HIVEP1: variants seen among roughly 807,000 people sequenced by gnomAD.
HIVEP1 encodes the protein zinc finger protein 40.
In HIVEP1, 36 loss-of-function variants were observed where a neutral mutation model predicts 180.0. That is an observed-to-expected ratio of 0.20 (90% confidence interval 0.15 to 0.26). The LOEUF (loss-of-function observed/expected upper bound fraction) is 0.26, where lower values mean the gene tolerates loss of function less well. Ranked by LOEUF, HIVEP1 falls within the 10% of genes least tolerant of loss-of-function variation. The pLI is 1.00. For missense variants in HIVEP1, 3,143 were observed against 3,268.7 expected (o/e 0.96, Z 0.94); for synonymous variants, 1,239 against 1,239.0 (o/e 1.00, Z 0.00).
chr6:12,146,655 A>T (rs961025554), intron 7 of HIVEP1, among the ~76,000 whole-genome samples: 1 of 152,188 alleles, frequency 6.6e-6, no homozygotes, highest in African/African-American at 2.4e-5. Flanking sequence ...CTAGAAGGTA[A>T]TTCAAGTTTT....
At chr6:12,114,078 C>T (rs1182990111) in intron 3 of HIVEP1, among the ~76,000 whole-genome samples, 2 of 152,144 alleles carry the variant, frequency 1.3e-5, no homozygotes, top group African/African-American at 2.4e-5. Flanking sequence ...GAAGACTTCC[C>T]TTGCCCTCCT....
intron 7 of HIVEP1, among the ~76,000 whole-genome samples, chr6:12,156,002 C>T (rs1760015036): frequency 6.6e-6 from 1 of 152,152 alleles, no homozygotes; most frequent in Non-Finnish European, 1.5e-5. Flanking sequence ...CTCTAATGAT[C>T]AGTGGTGTTG....
intron 3 of HIVEP1, among the ~76,000 whole-genome samples, chr6:12,115,350 CTT>C (rs34074662): frequency 0.021 from 1,615 of 75,234 alleles, 45 homozygotes; most frequent in African/African-American, 0.072. Context: ...CCCAACTATT[CTT>C]TTTTTTTTTT....
In HIVEP1 at chr6:12,037,808, G is replaced by A. The variant is rs1272925156; in HGVS notation, c.40+22140G>A. 8 of 435,220 alleles carry A rather than the reference G, an allele frequency of 1.8e-5. No homozygotes were observed. In the Admixed American group the frequency reaches 3.3e-4, roughly 18 times the overall value. The allele number at this position is 435,220 out of a possible 1,614,324, so 27.0% of individuals were successfully genotyped here. ...CCCAAACTTCTGGGGACAAGCTAAG[G>A]CTTGTCCCCTTCCTGCTTTAGCGTC... On this transcript the variant is annotated intron_variant, in intron 2 of 8. Coordinates refer to ENST00000379388, the MANE Select transcript of HIVEP1 (RefSeq NM_002114.4).
chr6:12,197,497 GAGCC>G, the HIVEP1 span, among the ~76,000 whole-genome samples: 1 of 148,298 alleles, frequency 6.7e-6, no homozygotes, highest in Non-Finnish European at 1.5e-5. Context: ...AGGTTGCAGT[GAGCC>G]GAGGTCGAGC....
At chr6:12,098,882 A>G (rs774734109) in intron 3 of HIVEP1, among the ~76,000 whole-genome samples, 7 of 152,356 alleles carry the variant, frequency 4.6e-5, no homozygotes, top group Non-Finnish European at 7.3e-5. Context: ...GCTATGCTAT[A>G]TGCAGGAAAT....
intron 7 of HIVEP1, among the ~76,000 whole-genome samples, chr6:12,137,480 A>G (rs1299879085): frequency 3.3e-5 from 5 of 152,228 alleles, no homozygotes; most frequent in African/African-American, 1.2e-4. Context: ...ACCTGGTCTT[A>G]GATTATTACT....
rs902756740 is a variant in HIVEP1 at position 12,085,143 on chromosome 6, C to T, written c.41-4041C>T. On this transcript the variant is annotated intron_variant, in intron 2 of 8. Coordinates refer to ENST00000379388, the MANE Select transcript of HIVEP1 (RefSeq NM_002114.4). ...AAACCACTCAGCTCCATCTAATTGC[C>T]ATTATTACTAACGATTATGAGCTAT... 2.0e-5 allele frequency among the ~76,000 whole-genome samples: 3 copies of T among 151,996 alleles called. No homozygotes were observed. In the South Asian group the frequency reaches 6.2e-4, roughly 32 times the overall value.
At chr6:12,027,510 C>T (rs555678062) in intron 2 of HIVEP1, among the ~76,000 whole-genome samples, 45 of 152,284 alleles carry the variant, frequency 3.0e-4, no homozygotes, top group African/African-American at 8.4e-4. Flanking sequence ...AGTCAGGTAG[C>T]GTACTCTCCT....
chr6:12,130,022 A>G, intron 5 of HIVEP1, 130 bp downstream of exon 5: 2 of 637,710 alleles, frequency 3.1e-6, no homozygotes, highest in Non-Finnish European at 5.6e-6. Flanking sequence ...ATATTAACAG[A>G]ATCTCCATAG....
chr6:12,093,697 T>A (rs1773623830), intron 3 of HIVEP1, among the ~76,000 whole-genome samples: 2 of 151,522 alleles, frequency 1.3e-5, no homozygotes, highest in Non-Finnish European at 2.9e-5. Flanking sequence ...CATTTTTGTG[T>A]GGGTTTGCTT....
chr6:12,146,099 C>T (rs190924360), intron 7 of HIVEP1, among the ~76,000 whole-genome samples: 219 of 152,268 alleles, frequency 1.4e-3, no homozygotes, highest in Non-Finnish European at 1.7e-3. Context: ...CTGTTCTTGG[C>T]AGCAGCTTTC....
At chr6:12,176,042 A>C in the HIVEP1 span, among the ~76,000 whole-genome samples, 1 of 152,126 alleles carries the variant, frequency 6.6e-6, no homozygotes, top group Non-Finnish European at 1.5e-5. Flanking sequence ...TCAGCCACTT[A>C]GTGAGCTGCC....
chr6:12,060,529 T>C (rs1048497360), intron 2 of HIVEP1, among the ~76,000 whole-genome samples: 74 of 152,302 alleles, frequency 4.9e-4, no homozygotes, highest in African/African-American at 1.7e-3. Context: ...TATTAAGTAC[T>C]GATTGTTTCT....
At chr6:12,094,837 A>C (rs1773695298) in intron 3 of HIVEP1, among the ~76,000 whole-genome samples, 1 of 151,990 alleles carries the variant, frequency 6.6e-6, no homozygotes, top group Non-Finnish European at 1.5e-5. Flanking sequence ...ATTCCCATGG[A>C]GCTGTTTGTT....
chr6:12,184,578 A>G, the HIVEP1 span, among the ~76,000 whole-genome samples: 1 of 152,214 alleles, frequency 6.6e-6, no homozygotes, highest in African/African-American at 2.4e-5. Flanking sequence ...TAATGAAGCT[A>G]TTGATCGTTT....
intron 2 of HIVEP1, among the ~76,000 whole-genome samples, chr6:12,070,695 C>G (rs2113783392): frequency 6.6e-6 from 1 of 152,256 alleles, no homozygotes; most frequent in South Asian, 2.1e-4. Context: ...ATCCATATTT[C>G]TACAGTTTGA....
chr6:12,032,175 C>T (rs1230832867), intron 2 of HIVEP1, among the ~76,000 whole-genome samples: 2 of 138,156 alleles, frequency 1.4e-5, no homozygotes, highest in Non-Finnish European at 3.0e-5. Flanking sequence ...GAGTCTTGCT[C>T]TGTCGCCCAG....
chr6:12,016,800 C>T (rs551761965), intron 2 of HIVEP1, among the ~76,000 whole-genome samples: 21 of 152,244 alleles, frequency 1.4e-4, no homozygotes, highest in Middle Eastern at 3.4e-3. Context: ...TGTGTTTGCC[C>T]GTCCCCCTCA....
Sources: gnomAD v4.1 joint callset for allele counts (sites outside exome capture counted in the v4.1 genomes callset) on GRCh38, gnomAD v4.1.1 for gene constraint, MANE v1.5 for transcripts, NCBI Gene and HGNC (gene_info 2026-07-23, HGNC 2026-07-21) for gene names.